CPS1: variants seen among roughly 807,000 people sequenced by gnomAD.
CPS1 encodes the protein carbamoyl-phosphate synthase 1.
Under a neutral mutation model 174.6 loss-of-function variants are expected in CPS1, and 109 were observed. The ratio of observed to expected loss-of-function variants is 0.62; its 90% CI spans 0.53 to 0.73. CPS1 has a LOEUF of 0.73. CPS1 is among the 30% of genes least tolerant of loss of function. CPS1 has a pLI of 0.00. For missense variants in CPS1, 1,689 were observed against 1,821.9 expected, an observed-to-expected ratio of 0.93 and a Z score of 1.33; for synonymous variants, 637 against 632.0, an observed-to-expected ratio of 1.01 and a Z score of -0.12.
At chr2:210,642,948 C>T (rs927364332) in intron 25 of CPS1, among the ~76,000 whole-genome samples, 1 of 152,194 alleles carries the variant, frequency 6.6e-6, no homozygotes, top group Non-Finnish European at 1.5e-5. Flanking sequence ...TACTTGGTAA[C>T]ATGTGCCAGA....
At chr2:210,520,259 C>G (rs1320334143) in intron 1 of CPS1, among the ~76,000 whole-genome samples, 1 of 151,906 alleles carries the variant, frequency 6.6e-6, no homozygotes, top group South Asian at 2.1e-4. Context: ...GAAACTATTA[C>G]CAGAGTCAAG....
At chr2:210,595,426 A>G in intron 12 of CPS1, 61 bp from the exon 13 acceptor site, 1 of 1,191,172 alleles carries the variant, frequency 8.4e-7, no homozygotes, top group Non-Finnish European at 1.3e-6. Context: ...TCCAATCTTG[A>G]AAATGCCTTA....
Position 210,577,456 on chromosome 2 carries a change from C to T in CPS1, c.417C>T (p.Asp139=), listed in dbSNP as rs748599785. 1 of 1,613,848 alleles carries T rather than the reference C, an allele frequency of 6.2e-7. No homozygotes were observed. Among genetic ancestry groups the T allele is most frequent in the South Asian group, 1.1e-5 (1 of 91,078 alleles). ...TGCTGGTGCTGGATTATAGTAAAGACTACAACCACTGGCTGGCTACCAAGA... is the reference window on the plus strand; with the variant it reads ...TGCTGGTGCTGGATTATAGTAAAGATTACAACCACTGGCTGGCTACCAAGA... ...SGLLVLDYSK[D]YNHWLATKSL... Residue 139 remains aspartate, a synonymous_variant, in exon 4 of 38, where the codon GAC becomes GAT. Coordinates refer to ENST00000233072, the MANE Select transcript of CPS1 (RefSeq NM_001875.5).
chr2:210,567,337 A>G (rs562494263), intron 1 of CPS1, among the ~76,000 whole-genome samples: 1 of 152,276 alleles, frequency 6.6e-6, no homozygotes, highest in African/African-American at 2.4e-5. Context: ...AACAACAAAA[A>G]ACAGTAAAAA....
intron 33 of CPS1, among the ~76,000 whole-genome samples, chr2:210,665,990 G>T (rs894562145): frequency 2.0e-5 from 3 of 148,910 alleles, no homozygotes; most frequent in African/African-American, 5.0e-5. Flanking sequence ...AGCACCTGTT[G>T]TTTCCTGACT....
At chr2:210,622,329 A>G (rs1699555248) in intron 21 of CPS1, among the ~76,000 whole-genome samples, 1 of 151,746 alleles carries the variant, frequency 6.6e-6, no homozygotes, top group African/African-American at 2.4e-5. Context: ...TTACATATCA[A>G]GTATATGGTA....
chr2:210,532,129 A>G (rs990791074), intron 1 of CPS1, among the ~76,000 whole-genome samples: 1 of 152,016 alleles, frequency 6.6e-6, no homozygotes, highest in Non-Finnish European at 1.5e-5. Context: ...CTGGGGTGAA[A>G]GCTTAAGCAT....
At chr2:210,607,007 A>G in intron 18 of CPS1, 66 bp downstream of exon 18, 1 of 1,429,888 alleles carries the variant, frequency 7.0e-7, no homozygotes, top group Non-Finnish European at 9.8e-7. Flanking sequence ...AAATTGACAG[A>G]TAGTGGAAGA....
rs564955656 is a variant in CPS1, at chr2:210,558,280, A to G, written c.126+1421A>G. On this transcript the variant is annotated intron_variant, in intron 1 of 37. Transcript: ENST00000233072. The stretch of plus-strand genomic sequence containing the variant: ...GACATCATGTTTTAAAGATAGTTAA[A>G]ATCATTAGGATGTAGTTACATAATG... Among the ~76,000 whole-genome samples the G allele has an allele frequency of 5.9e-5, 9 of 152,204 alleles. No individual in the cohort carries two copies. In the East Asian group the frequency reaches 1.6e-3, roughly 26 times the overall value.
chr2:210,510,696 C>A (rs1305290679), intron 1 of CPS1, among the ~76,000 whole-genome samples: 1 of 152,114 alleles, frequency 6.6e-6, no homozygotes, highest in South Asian at 2.1e-4. Context: ...AAGAAAAAAA[C>A]AACCCCATCA....
At chr2:210,606,981 T>C (rs1333221068) in intron 18 of CPS1, 40 bp downstream of exon 18, 2 of 1,576,100 alleles carry the variant, frequency 1.3e-6, no homozygotes, top group South Asian at 2.2e-5. Flanking sequence ...GCAGATTCTT[T>C]TCAGATAGAA....
chr2:210,627,334 A>T (rs1574611813), intron 21 of CPS1, among the ~76,000 whole-genome samples: 1 of 152,184 alleles, frequency 6.6e-6, no homozygotes, highest in African/African-American at 2.4e-5. Flanking sequence ...GTATATATTT[A>T]TACACAATAT....
intron 1 of CPS1, among the ~76,000 whole-genome samples, chr2:210,568,510 T>G (rs1446880719): frequency 6.6e-6 from 1 of 152,118 alleles, no homozygotes; most frequent in Non-Finnish European, 1.5e-5. Context: ...TGCAATTTCA[T>G]ATAGTGTGAA....
At chr2:210,657,941 C>A (rs377410002) in intron 30 of CPS1, among the ~76,000 whole-genome samples, 43 of 152,326 alleles carry the variant, frequency 2.8e-4, no homozygotes, top group Non-Finnish European at 1.9e-4. Flanking sequence ...GACTCTACTT[C>A]GTTTTATACC....
intron 15 of CPS1, 107 bp from the exon 16 acceptor site, chr2:210,602,095 C>G (rs1401624669): frequency 7.7e-7 from 1 of 1,304,770 alleles, no homozygotes. Context: ...TCTAGATTCA[C>G]TCTCCCCACA....
At chr2:210,498,687 C>G (rs565984739) in intron 1 of CPS1, among the ~76,000 whole-genome samples, 4 of 152,246 alleles carry the variant, frequency 2.6e-5, no homozygotes, top group African/African-American at 9.6e-5. Flanking sequence ...AGGCATGGAG[C>G]TGGGAAACCT....
intron 21 of CPS1, chr2:210,619,485 T>G (rs937611469): frequency 6.6e-6 from 1 of 152,124 alleles, no homozygotes; most frequent in Non-Finnish European, 1.5e-5. Flanking sequence ...AGATATGTAT[T>G]ATATATTATG....
rs76911251 is a variant in CPS1 at position 210,616,699 on chromosome 2, GT to G, written c.2687+171del. ...CCCGTAGCCAGAAGACAAATGGCAGGTTTTTTTTTTTTTAGATGTTTACCTT... is the reference window on the plus strand; with the variant it reads ...CCCGTAGCCAGAAGACAAATGGCAGGTTTTTTTTTTTTAGATGTTTACCTT... On this transcript the variant is annotated intron_variant, in intron 21 of 37. Coordinates refer to ENST00000233072, the MANE Select transcript of CPS1 (RefSeq NM_001875.5). Among the ~76,000 whole-genome samples the G allele has an allele frequency of 2.9e-3, 407 of 141,070 alleles. 2 individuals carry two copies. Among genetic ancestry groups the G allele is most frequent in the African/African-American group, 5.4e-3 (208 of 38,812 alleles). 92.5% of individuals were successfully genotyped at this position (141,070 alleles called of 152,430 possible).
At chr2:210,522,678 T>C (rs1260323506) in intron 1 of CPS1, among the ~76,000 whole-genome samples, 1 of 151,960 alleles carries the variant, frequency 6.6e-6, no homozygotes, top group African/African-American at 2.4e-5. Context: ...GAGATAATAG[T>C]GGACAGTTGC....
Sources: gnomAD v4.1 joint callset for allele counts (sites outside exome capture counted in the v4.1 genomes callset) on GRCh38, gnomAD v4.1.1 for gene constraint, MANE v1.5 for transcripts, NCBI Gene and HGNC (gene_info 2026-07-23, HGNC 2026-07-21) for gene names.